Variants in KCTD1 observed in about 807,000 individuals in gnomAD.
KCTD1 encodes the protein potassium channel tetramerization domain containing 1, also known as BTB/POZ domain-containing protein KCTD1.
In KCTD1, 24 loss-of-function variants were observed where a neutral mutation model predicts 66.0. The observed-to-expected ratio is 0.36, with a 90% CI of 0.26 to 0.51. KCTD1 has a LOEUF of 0.51. Ranked by LOEUF, KCTD1 falls within the 20% of genes least tolerant of loss-of-function variation. The pLI is 0.95. For synonymous variants in KCTD1, 511 were observed against 517.2 expected, an observed-to-expected ratio of 0.99 and a Z score of 0.16; for missense variants, 943 against 1,205.2, an observed-to-expected ratio of 0.78 and a Z score of 3.22.
At chr18:26,641,232 C>A (rs147280461), upstream of KCTD1, among the ~76,000 whole-genome samples, 55 of 152,272 alleles carry the variant, frequency 3.6e-4, no homozygotes, top group African/African-American at 1.3e-3. Context: ...TACCACGTTT[C>A]CCCCAAGATT....
At chr18:26,549,820 A>G (rs942039011), upstream of KCTD1, 1 of 984,976 alleles carries the variant, frequency 1.0e-6, no homozygotes, top group African/African-American at 1.8e-5. Context: ...AAAAGCAGCC[A>G]AAGAGCTCGC....
At position 26,476,828 on chromosome 18, in the gene KCTD1, C is replaced by G; in HGVS notation, c.1989-169G>C. On this transcript the variant is annotated intron_variant, in intron 2 of 4. Coordinates refer to ENST00000580059, the MANE Select transcript of KCTD1 (RefSeq NM_001142730.3). The surrounding 1 kb of genome is among the most constrained non-coding windows in gnomAD (Gnocchi z 4.9). ...TCCCCGCTTGATAAATATCTCAGGA[C>G]GAGACCATTCAAAATAGTCCTAGGC... 1 of 597,212 alleles carries G rather than the reference C, an allele frequency of 1.7e-6. No homozygotes were observed. Among genetic ancestry groups the G allele is most frequent in the East Asian group, 3.0e-5 (1 of 33,480 alleles). The allele number at this position is 597,212 out of a possible 1,614,324, so 37.0% of individuals were successfully genotyped here.
intron 1 of KCTD1, among the ~76,000 whole-genome samples, chr18:26,597,708 C>A (rs2144962856): frequency 6.9e-6 from 1 of 144,810 alleles, no homozygotes; most frequent in South Asian, 2.2e-4. Flanking sequence ...GGCTGGAGTG[C>A]AATGGCACGC....
At chr18:26,496,720 C>T (rs1982490333) in intron 2 of KCTD1, among the ~76,000 whole-genome samples, 1 of 147,550 alleles carries the variant, frequency 6.8e-6, no homozygotes, top group South Asian at 2.2e-4. Context: ...TCAGGGTTTA[C>T]AAGCTAAAAA....
intron 1 of KCTD1, among the ~76,000 whole-genome samples, chr18:26,589,016 T>C (rs1986535997): frequency 6.6e-6 from 1 of 151,772 alleles, no homozygotes; most frequent in African/African-American, 2.4e-5. Context: ...CTGCAAACAA[T>C]CAGCAGAGCA....
chr18:26,529,651 C>T (rs1034845668), intron 1 of KCTD1, among the ~76,000 whole-genome samples: 1 of 152,228 alleles, frequency 6.6e-6, no homozygotes, highest in Non-Finnish European at 1.5e-5. Flanking sequence ...CTTTTATTAA[C>T]TGTACTTTGT....
chr18:26,635,983 C>A (rs1987714864), intron 1 of KCTD1, among the ~76,000 whole-genome samples: 1 of 152,090 alleles, frequency 6.6e-6, no homozygotes, highest in Admixed American at 6.6e-5. Context: ...CACCAGGGAA[C>A]TGCAGGAGGG....
At chr18:26,501,344 A>T in intron 1 of KCTD1, 94 bp from the exon 2 acceptor site, 1 of 1,088,182 alleles carries the variant, frequency 9.2e-7, no homozygotes, top group Admixed American at 2.5e-5. Flanking sequence ...GTGATTAACG[A>T]TACTCATTCA....
At chr18:26,652,164 A>T (rs1395683589) in intron 1 of KCTD1, among the ~76,000 whole-genome samples, 2 of 152,166 alleles carry the variant, frequency 1.3e-5, no homozygotes, top group East Asian at 3.9e-4. Flanking sequence ...GGGTTGATTG[A>T]TACTACTTAT....
intron 1 of KCTD1, among the ~76,000 whole-genome samples, chr18:26,515,667 G>A (rs2144733034): frequency 6.6e-6 from 1 of 152,060 alleles, no homozygotes; most frequent in Non-Finnish European, 1.5e-5. Flanking sequence ...GCGCCACCAA[G>A]CCCGGCTAAT....
chr18:26,629,415 G>A (rs559409094), upstream of KCTD1, among the ~76,000 whole-genome samples: 1 of 152,348 alleles, frequency 6.6e-6, no homozygotes, highest in South Asian at 2.1e-4. Context: ...AGATACCAAG[G>A]CAGAAGAGGT....
At chr18:26,503,180 G>A (rs897203064) in intron 1 of KCTD1, among the ~76,000 whole-genome samples, 1 of 151,922 alleles carries the variant, frequency 6.6e-6, no homozygotes, top group African/African-American at 2.4e-5. Context: ...TCGGCTCAAG[G>A]GTGTTTACTA....
At position 26,499,387 on chromosome 18, in the gene KCTD1, G is replaced by A. The variant is rs183472552; in HGVS notation, c.1988+1685C>T. Among the ~76,000 whole-genome samples the A allele has an allele frequency of 2.5e-3, 388 of 152,240 alleles. 2 individuals carry two copies. The highest frequency in any genetic ancestry group is 8.7e-3 in the African/African-American group (360 of 41,548). ...AGCCATTATTATAATATGATTTTTC[G>A]TAGTACCTATTCCAATATACTTAGG... On this transcript the variant is annotated intron_variant, in intron 2 of 4. Transcript: ENST00000580059.
At chr18:26,486,455 C>G (rs1981925536) in intron 2 of KCTD1, among the ~76,000 whole-genome samples, 1 of 152,212 alleles carries the variant, frequency 6.6e-6, no homozygotes, top group Non-Finnish European at 1.5e-5. Context: ...CAGTTGCGCT[C>G]TTTGTTACAG....
chr18:26,627,089 A>T (rs1357168654), intron 1 of KCTD1, among the ~76,000 whole-genome samples: 4 of 152,168 alleles, frequency 2.6e-5, no homozygotes, highest in Non-Finnish European at 5.9e-5. Flanking sequence ...TGAGCTAAGA[A>T]TCACTTCTCC....
chr18:26,573,613 C>G (rs180795543), intron 1 of KCTD1, among the ~76,000 whole-genome samples: 1 of 152,140 alleles, frequency 6.6e-6, no homozygotes, highest in Admixed American at 6.5e-5. Context: ...CAAATGCAGT[C>G]GGCTATAAGT....
At chr18:26,524,369 A>G (rs1382000977) in intron 1 of KCTD1, among the ~76,000 whole-genome samples, 1 of 152,224 alleles carries the variant, frequency 6.6e-6, no homozygotes, top group Non-Finnish European at 1.5e-5. Context: ...CCTAATACAG[A>G]CAAAATGAGA....
chr18:26,547,022 G>C lies in KCTD1; in HGVS notation c.1515C>G (p.Pro505=). The C allele has an allele frequency of 6.7e-7, 1 of 1,484,856 alleles. No individual in the cohort carries two copies. The highest frequency in any genetic ancestry group is 9.0e-7 in the Non-Finnish European group (1 of 1,114,388). 92.0% of individuals were successfully genotyped at this position (1,484,856 alleles called of 1,614,324 possible). The stretch of plus-strand genomic sequence containing the variant: ...AAGTGTTCCCCAGCGAGGGCGGCTG[G>C]GGGCGGTGGTGGTGGGAGGGATGGG... ...PPTHPSHHHR[P]QPPSLGNTYI... The change falls in exon 1 of 5, where the codon CCC becomes CCG. Residue 505 remains proline, a synonymous_variant. Coordinates refer to ENST00000580059, the MANE Select transcript of KCTD1 (RefSeq NM_001142730.3).
intron 2 of KCTD1, among the ~76,000 whole-genome samples, chr18:26,489,716 A>G (rs1982095120): frequency 6.6e-6 from 1 of 152,232 alleles, no homozygotes; most frequent in Non-Finnish European, 1.5e-5. Context: ...CTTCCAGCCT[A>G]GCATACGCAT....
Sources: gnomAD v4.1 joint callset for allele counts (sites outside exome capture counted in the v4.1 genomes callset) on GRCh38, gnomAD v4.1.1 for gene constraint, Gnocchi (gnomAD v3.1) non-coding constraint, MANE v1.5 for transcripts, NCBI Gene and HGNC (gene_info 2026-07-23, HGNC 2026-07-21) for gene names.